Variants in OSTN observed in about 807,000 individuals in gnomAD.
OSTN encodes the protein osteocrin.
A neutral mutation model predicts 12.0 loss-of-function variants in OSTN; 9 were observed. The observed-to-expected ratio is 0.75, with a 90% CI of 0.45 to 1.30. OSTN has a LOEUF of 1.30. OSTN is among the 50% of genes most tolerant of loss of function. The probability of loss-of-function intolerance (pLI) is 0.00; values close to 1 mark genes in which losing one functional copy is unlikely to be tolerated. For synonymous variants in OSTN, 59 were observed against 56.9 expected (o/e 1.04, Z -0.16); for missense variants, 148 against 152.3 (o/e 0.97, Z 0.15).
chr3:191,243,707 A>G (rs957884588), intron 3 of OSTN, among the ~76,000 whole-genome samples: 8 of 152,164 alleles, frequency 5.3e-5, no homozygotes, highest in Admixed American at 1.3e-4. Context: ...TGGTGAGAAC[A>G]CTTAAGATCT....
At chr3:191,256,909 T>G (rs981925925) in intron 4 of OSTN, among the ~76,000 whole-genome samples, 1 of 151,944 alleles carries the variant, frequency 6.6e-6, no homozygotes, top group South Asian at 2.1e-4. Context: ...AGGTTGGGTG[T>G]TGTGGCTCAA....
At chr3:191,239,293 G>T (rs1345766852) in intron 3 of OSTN, among the ~76,000 whole-genome samples, 1 of 130,958 alleles carries the variant, frequency 7.6e-6, no homozygotes, top group African/African-American at 3.0e-5. Context: ...GGATTCCATT[G>T]GTTACTTGGT....
At chr3:191,229,636 A>G (rs1006389950) in intron 3 of OSTN, 1 of 152,238 alleles carries the variant, frequency 6.6e-6, no homozygotes, top group Non-Finnish European at 1.5e-5. Context: ...AAAAGAGTAA[A>G]TAAATTAATC....
intron 2 of OSTN, among the ~76,000 whole-genome samples, chr3:191,214,687 G>A (rs1002307195): frequency 3.3e-5 from 5 of 152,146 alleles, no homozygotes; most frequent in Non-Finnish European, 7.3e-5. Context: ...TGGAGAAAAT[G>A]AAGAGAACAG....
chr3:191,234,994 T>C (rs1373785215), intron 3 of OSTN, among the ~76,000 whole-genome samples: 2 of 152,312 alleles, frequency 1.3e-5, no homozygotes, highest in African/African-American at 4.8e-5. Flanking sequence ...AGCAAAATTA[T>C]ACACATTCTG....
chr3:191,229,293 A>C (rs1472870769), intron 3 of OSTN, among the ~76,000 whole-genome samples: 1 of 152,240 alleles, frequency 6.6e-6, no homozygotes. Flanking sequence ...CCTTTTAAAA[A>C]TTAATACAGG....
At chr3:191,201,622 AT>A (rs1313704462) in intron 1 of OSTN, among the ~76,000 whole-genome samples, 28 of 152,260 alleles carry the variant, frequency 1.8e-4, no homozygotes, top group Admixed American at 1.6e-3. Flanking sequence ...TAGAAATATT[AT>A]GACTCAAAAT....
At chr3:191,202,833 T>TAA (rs1714181164) in intron 1 of OSTN, among the ~76,000 whole-genome samples, 1 of 152,222 alleles carries the variant, frequency 6.6e-6, no homozygotes, top group African/African-American at 2.4e-5. Flanking sequence ...GCATTAGAAT[T>TAA]AAACAACAAA....
At chr3:191,212,391 G>A (rs887460482) in intron 1 of OSTN, 142 bp from the exon 2 acceptor site, 7 of 352,820 alleles carry the variant, frequency 2.0e-5, no homozygotes, top group South Asian at 9.7e-5. Flanking sequence ...TATTATTTAC[G>A]TTTTGTAGAG....
intron 3 of OSTN, among the ~76,000 whole-genome samples, chr3:191,234,199 G>A (rs1715130899): frequency 6.6e-6 from 1 of 152,112 alleles, no homozygotes; most frequent in Non-Finnish European, 1.5e-5. Context: ...AAATGCTATT[G>A]GGTTAGGGTT....
At chr3:191,213,834 T>C (rs1413282322) in intron 2 of OSTN, among the ~76,000 whole-genome samples, 3 of 152,064 alleles carry the variant, frequency 2.0e-5, no homozygotes, top group Non-Finnish European at 1.5e-5. Context: ...GTTGGAAGAA[T>C]AAAAGCATAT....
At chr3:191,237,531 C>G (rs1005284829) in intron 3 of OSTN, among the ~76,000 whole-genome samples, 1 of 152,166 alleles carries the variant, frequency 6.6e-6, no homozygotes, top group Non-Finnish European at 1.5e-5. Context: ...AGGTCAAGTG[C>G]CCCATTTGAC....
chr3:191,241,430 C>T (rs1715320810), intron 3 of OSTN, among the ~76,000 whole-genome samples: 1 of 151,916 alleles, frequency 6.6e-6, no homozygotes, highest in African/African-American at 2.4e-5. Flanking sequence ...GTGATCCACC[C>T]GCCTCGGCCT....
intron 3 of OSTN, among the ~76,000 whole-genome samples, chr3:191,242,510 T>A (rs183536691): frequency 1.9e-3 from 289 of 152,310 alleles, no homozygotes; most frequent in Non-Finnish European, 3.3e-3. Flanking sequence ...TAGATTTTTT[T>A]AAAAAGAAAC....
At chr3:191,217,694 A>G (rs77435223) in intron 2 of OSTN, among the ~76,000 whole-genome samples, 12 of 152,346 alleles carry the variant, frequency 7.9e-5, no homozygotes, top group Non-Finnish European at 1.6e-4. Context: ...GTAAGAACCA[A>G]ACAAGAAATT....
chr3:191,209,932 C>T (rs1231123906), intron 1 of OSTN, among the ~76,000 whole-genome samples: 2 of 152,178 alleles, frequency 1.3e-5, no homozygotes, highest in African/African-American at 4.8e-5. Flanking sequence ...CAGGGTCTTC[C>T]CTCTCTGTCA....
intron 2 of OSTN, among the ~76,000 whole-genome samples, chr3:191,215,535 C>A (rs1175678364): frequency 1.3e-5 from 2 of 152,162 alleles, no homozygotes; most frequent in Non-Finnish European, 2.9e-5. Flanking sequence ...AAATCAATAG[C>A]AAGTTTGTTA....
chr3:191,252,573 C>A (rs1307113650), intron 4 of OSTN, among the ~76,000 whole-genome samples: 1 of 152,116 alleles, frequency 6.6e-6, no homozygotes, highest in Non-Finnish European at 1.5e-5. Context: ...ACAAAAGAAT[C>A]GATTTAGAAA....
intron 1 of OSTN, among the ~76,000 whole-genome samples, chr3:191,209,518 C>G (rs1310669083): frequency 6.6e-6 from 1 of 152,170 alleles, no homozygotes; most frequent in East Asian, 1.9e-4. Flanking sequence ...GGAGAAGCTT[C>G]TAGTAACTAG....
Sources: allele counts gnomAD v4.1 joint callset (sites outside exome capture counted in the v4.1 genomes callset), GRCh38; gene constraint gnomAD v4.1.1; transcripts MANE v1.5; gene names NCBI Gene and HGNC (gene_info 2026-07-23, HGNC 2026-07-21).